SIPA1L3: variants seen among roughly 807,000 people sequenced by gnomAD.
SIPA1L3 encodes the protein signal-induced proliferation-associated 1-like protein 3.
In SIPA1L3, 59 loss-of-function variants were observed where a neutral mutation model predicts 150.1. The ratio of observed to expected loss-of-function variants is 0.39; its 90% confidence interval spans 0.32 to 0.49. The LOEUF is 0.49. SIPA1L3 is among the 20% of genes least tolerant of loss of function. The probability of loss-of-function intolerance (pLI) is 0.86; values close to 1 mark genes in which losing one functional copy is unlikely to be tolerated. For synonymous variants in SIPA1L3, 1,070 were observed against 1,077.6 expected, an observed-to-expected ratio of 0.99 and a Z score of 0.14; for missense variants, 2,211 against 2,489.5, an observed-to-expected ratio of 0.89 and a Z score of 2.38.
At chr19:37,969,898 T>C (rs896101131) in intron 1 of SIPA1L3, among the ~76,000 whole-genome samples, 6 of 152,226 alleles carry the variant, frequency 3.9e-5, no homozygotes, top group African/African-American at 1.2e-4. Flanking sequence ...TCATAATATT[T>C]AATTACACGT....
At chr19:37,949,935 G>A (rs2046747099) in intron 1 of SIPA1L3, among the ~76,000 whole-genome samples, 1 of 151,818 alleles carries the variant, frequency 6.6e-6, no homozygotes, top group South Asian at 2.1e-4. Flanking sequence ...AAATTACCTG[G>A]GCGTGGTGGT....
intron 1 of SIPA1L3, among the ~76,000 whole-genome samples, chr19:37,922,366 G>A (rs547759695): frequency 1.6e-4 from 25 of 152,134 alleles, no homozygotes; most frequent in African/African-American, 5.5e-4. Context: ...AGGATTACAG[G>A]TGTGAGTCAC....
chr19:37,918,115 C>T (rs552590515), intron 1 of SIPA1L3, among the ~76,000 whole-genome samples: 1 of 152,198 alleles, frequency 6.6e-6, no homozygotes, highest in East Asian at 1.9e-4. Flanking sequence ...AAATTGACCT[C>T]TAGGTTTGCT....
intron 1 of SIPA1L3, among the ~76,000 whole-genome samples, chr19:37,976,113 A>AAAAAAAAAG (rs1206850790): frequency 3.6e-5 from 5 of 137,470 alleles, no homozygotes; most frequent in Admixed American, 7.3e-5. Flanking sequence ...TTAAAAAAAA[A>AAAAAAAAAG]AAAAAGAAAG....
chr19:38,164,431 C>A lies in SIPA1L3; in HGVS notation c.3781-48C>A. 5 of 1,524,522 alleles carry A rather than the reference C, an allele frequency of 3.3e-6. No individual in the cohort carries two copies. The highest frequency in any genetic ancestry group is 4.5e-6 in the Non-Finnish European group (5 of 1,119,328). 94.4% of individuals were successfully genotyped at this position (1,524,522 alleles called of 1,614,324 possible). A position where few individuals can be genotyped will look rare whatever the true frequency, so the allele number is the denominator to read the frequency against. On this transcript the variant is annotated intron_variant, in intron 14 of 21. Transcript: ENST00000222345. The surrounding 1 kb of genome is among the most constrained non-coding windows in gnomAD (Gnocchi z 4.1). ...AGGGAGGACCCGGCAAGGGAAGATG[C>A]GCCCCTGCCCTGGAGTCTGGGAATG...
chr19:38,019,627 G>T (rs1431034034), intron 1 of SIPA1L3, among the ~76,000 whole-genome samples: 1 of 152,174 alleles, frequency 6.6e-6, no homozygotes, highest in African/African-American at 2.4e-5. Flanking sequence ...CAGTACCCAG[G>T]TCCATCATAG....
chr19:38,173,787 G>C (rs761599455), intron 15 of SIPA1L3: 1 of 152,452 alleles, frequency 6.6e-6, no homozygotes, highest in African/African-American at 2.4e-5. Flanking sequence ...AAGAGGAAGC[G>C]AGGCCGTCTC....
chr19:38,096,245 T>G (rs1970378566), intron 4 of SIPA1L3, among the ~76,000 whole-genome samples: 1 of 152,124 alleles, frequency 6.6e-6, no homozygotes, highest in Non-Finnish European at 1.5e-5. Flanking sequence ...CTTATCCTCC[T>G]TAGTCTTTTT....
At chr19:38,194,291 C>A (rs1162382824) in intron 18 of SIPA1L3, among the ~76,000 whole-genome samples, 3 of 152,144 alleles carry the variant, frequency 2.0e-5, no homozygotes, top group Admixed American at 2.0e-4. Context: ...GCGCACACCA[C>A]CCGCATCAAA....
chr19:38,133,574 G>A (rs1236895902), intron 10 of SIPA1L3, among the ~76,000 whole-genome samples: 1 of 152,030 alleles, frequency 6.6e-6, no homozygotes, highest in Non-Finnish European at 1.5e-5. Flanking sequence ...GCCTCATGGA[G>A]TGAGGCCCCA....
chr19:38,103,334 A>G (rs1970549898), intron 6 of SIPA1L3, among the ~76,000 whole-genome samples: 1 of 151,982 alleles, frequency 6.6e-6, no homozygotes, highest in Non-Finnish European at 1.5e-5. Context: ...ATAAATATAT[A>G]TGATATATGG....
chr19:38,006,683 C>T (rs1211774920), intron 1 of SIPA1L3, among the ~76,000 whole-genome samples: 3 of 152,170 alleles, frequency 2.0e-5, no homozygotes, highest in Admixed American at 1.3e-4. Flanking sequence ...GGCATCCAGG[C>T]TTCTCCGGAG....
chr19:38,069,878 G>A (rs1487445469), intron 2 of SIPA1L3, among the ~76,000 whole-genome samples: 1 of 143,770 alleles, frequency 7.0e-6, no homozygotes, highest in Non-Finnish European at 1.5e-5. Context: ...GTTTTACCAT[G>A]TTGGCCAGGC....
chr19:38,206,508 C>T lies in SIPA1L3; in HGVS notation c.*268C>T, dbSNP rs1487382469. On this transcript the variant is annotated 3_prime_UTR_variant, in exon 22 of 22. Coordinates refer to ENST00000222345, the MANE Select transcript of SIPA1L3 (RefSeq NM_015073.3). The stretch of plus-strand genomic sequence containing the variant: ...GGTGAGCTGGGCTGTGCTTACACCG[C>T]TCCCGGGCCTGCCCCGCTGTCCCCA... 2.9e-5 allele frequency: 11 copies of T among 376,294 alleles called. No homozygotes were observed. The highest frequency in any genetic ancestry group is 5.3e-5 in the Non-Finnish European group (11 of 209,372). 23.3% of individuals were successfully genotyped at this position (376,294 alleles called of 1,614,324 possible).
At chr19:38,091,741 G>A (rs1970263505) in intron 4 of SIPA1L3, among the ~76,000 whole-genome samples, 1 of 152,146 alleles carries the variant, frequency 6.6e-6, no homozygotes, top group African/African-American at 2.4e-5. Context: ...CTCAGTGCTA[G>A]CGTTTGTGTT....
chr19:38,015,135 A>G (rs1249966788), intron 1 of SIPA1L3, among the ~76,000 whole-genome samples: 1 of 152,190 alleles, frequency 6.6e-6, no homozygotes, highest in African/African-American at 2.4e-5. Flanking sequence ...TTTAAATGCA[A>G]GTATCAGATC....
intron 5 of SIPA1L3, 50 bp from the exon 6 acceptor site, chr19:38,101,002 C>T (rs1279008086): frequency 1.3e-6 from 2 of 1,495,294 alleles, no homozygotes; most frequent in Non-Finnish European, 1.8e-6. Context: ...TCCCTTCCCT[C>T]TGCCATCTCT....
At position 38,142,665 on chromosome 19, in the gene SIPA1L3, C is replaced by G; in HGVS notation, c.3488C>G (p.Thr1163Ser). The G allele has an allele frequency of 6.2e-7, 1 of 1,614,036 alleles. No homozygotes were observed. Among genetic ancestry groups the G allele is most frequent in the Non-Finnish European group, 8.5e-7 (1 of 1,179,942 alleles). The change falls in exon 12 of 22, where the codon ACC becomes AGC. Residue 1163 changes from threonine to serine, a missense_variant. Around this residue, in one of 5 missense-constraint regions of SIPA1L3, gnomAD observed 806 missense variants for 870.1 expected, o/e 0.93. Transcript: ENST00000222345. ...CGACAGCCTTCTGGGAGCTTCTCCA[C>G]CCCCGGTTCGGCCACCTACGTGAGA... ...PYRQPSGSFS[T>S]PGSATYVRYK...
intron 6 of SIPA1L3, among the ~76,000 whole-genome samples, chr19:38,103,893 C>T (rs1165612276): frequency 8.8e-6 from 1 of 113,264 alleles, no homozygotes; most frequent in African/African-American, 3.6e-5. Flanking sequence ...TACAGCGAGA[C>T]TCCATATCAA....
Sources: gnomAD v4.1 joint callset for allele counts (sites outside exome capture counted in the v4.1 genomes callset) on GRCh38, gnomAD v4.1.1 for gene constraint, gnomAD v4.1.1 regional missense constraint, Gnocchi (gnomAD v3.1) non-coding constraint, MANE v1.5 for transcripts, NCBI Gene and HGNC (gene_info 2026-07-23, HGNC 2026-07-21) for gene names.